The following NRG1 variants were observed in gnomAD, a reference collection of about 807,000 sequenced individuals.
NRG1 encodes the protein pro-neuregulin-1, membrane-bound isoform.
Under a neutral mutation model 63.8 loss-of-function variants are expected in NRG1, and 18 were observed. That is an observed-to-expected ratio of 0.28 (90% CI 0.19 to 0.42). NRG1 has a LOEUF of 0.42. NRG1 is among the 10% of genes least tolerant of loss of function. The probability of loss-of-function intolerance (pLI) is 1.00; values close to 1 mark genes in which losing one functional copy is unlikely to be tolerated. For missense variants in NRG1, 762 were observed against 814.7 expected (o/e 0.94, Z 0.79); for synonymous variants, 302 against 301.3 (o/e 1.00, Z -0.02).
intron 1 of NRG1, among the ~76,000 whole-genome samples, chr8:31,841,611 A>G (rs1335501331): frequency 1.3e-5 from 2 of 152,210 alleles, no homozygotes; most frequent in African/African-American, 2.4e-5. Flanking sequence ...CCTATTATAT[A>G]TGGCAATTTA....
chr8:32,404,222 A>G (rs750639359), intron 1 of NRG1, among the ~76,000 whole-genome samples: 7 of 152,186 alleles, frequency 4.6e-5, no homozygotes, highest in Non-Finnish European at 8.8e-5. Context: ...GCAGTTCCAC[A>G]GCTGCAGTGG....
At chr8:32,660,818 G>T (rs557456972) in intron 5 of NRG1, among the ~76,000 whole-genome samples, 1 of 152,162 alleles carries the variant, frequency 6.6e-6, no homozygotes, top group Admixed American at 6.5e-5. Context: ...GGCTCATAGC[G>T]CTATATAAGC....
chr8:32,559,256 A>AAAAAAAAAAAAAAAAAAAAAAT (rs1393676483), intron 1 of NRG1, among the ~76,000 whole-genome samples: 3 of 150,446 alleles, frequency 2.0e-5, no homozygotes, highest in Non-Finnish European at 4.4e-5. Context: ...AAAAAAAAAA[A>AAAAAAAAAAAAAAAAAAAAAAT]AAAAAAATCA....
chr8:32,395,011 A>G (rs1163796045), intron 1 of NRG1, among the ~76,000 whole-genome samples: 1 of 152,084 alleles, frequency 6.6e-6, no homozygotes, highest in Non-Finnish European at 1.5e-5. Flanking sequence ...AATTACTGTC[A>G]CTCTCAGCAA....
intron 1 of NRG1, among the ~76,000 whole-genome samples, chr8:32,288,418 C>T (rs914214756): frequency 6.6e-6 from 1 of 152,140 alleles, no homozygotes; most frequent in Non-Finnish European, 1.5e-5. Flanking sequence ...TAAAATTTAA[C>T]AAATCTGTAG....
At chr8:32,580,226 C>T (rs1314988720) in intron 1 of NRG1, among the ~76,000 whole-genome samples, 4 of 152,152 alleles carry the variant, frequency 2.6e-5, no homozygotes, top group Non-Finnish European at 5.9e-5. Context: ...CTCAAGGTCT[C>T]AATCATATCT....
At chr8:32,184,620 C>T (rs933939084) in intron 1 of NRG1, among the ~76,000 whole-genome samples, 4 of 151,470 alleles carry the variant, frequency 2.6e-5, no homozygotes, top group African/African-American at 9.7e-5. Flanking sequence ...ATAAGGAAAG[C>T]ATCTGGTGAT....
chr8:32,501,290 A>G (rs935596919), intron 1 of NRG1, among the ~76,000 whole-genome samples: 1 of 152,238 alleles, frequency 6.6e-6, no homozygotes, highest in Non-Finnish European at 1.5e-5. Context: ...ATGAACAGCA[A>G]GGGCATTGAC....
At chr8:32,085,863 T>G (rs569656775) in intron 1 of NRG1, among the ~76,000 whole-genome samples, 2 of 152,322 alleles carry the variant, frequency 1.3e-5, no homozygotes, top group East Asian at 3.9e-4. Context: ...TCAGCTTGGG[T>G]TCTGTTGATG....
chr8:31,754,071 T>C (rs970833940), intron 1 of NRG1, among the ~76,000 whole-genome samples: 6 of 152,146 alleles, frequency 3.9e-5, no homozygotes, highest in African/African-American at 1.4e-4. Flanking sequence ...TATGAAAATA[T>C]GCACCCAGAG....
At chr8:32,693,785 C>T (rs552883493) in intron 5 of NRG1, among the ~76,000 whole-genome samples, 27 of 152,156 alleles carry the variant, frequency 1.8e-4, no homozygotes, top group African/African-American at 5.3e-4. Context: ...CAAAATTTTG[C>T]GAACCATTGT....
At chr8:31,811,804 A>G (rs1822915004) in intron 1 of NRG1, among the ~76,000 whole-genome samples, 2 of 152,172 alleles carry the variant, frequency 1.3e-5, no homozygotes, top group South Asian at 4.1e-4. Context: ...AGGTATGAAT[A>G]TTCTGAGAAT....
chr8:32,636,832 A>G (rs866472979), intron 5 of NRG1, among the ~76,000 whole-genome samples: 2 of 152,288 alleles, frequency 1.3e-5, no homozygotes, highest in East Asian at 3.9e-4. Flanking sequence ...CCCTTGATAT[A>G]ATTTTGAAAT....
intron 1 of NRG1, among the ~76,000 whole-genome samples, chr8:31,933,194 A>G (rs1391767479): frequency 2.0e-5 from 3 of 152,086 alleles, no homozygotes; most frequent in African/African-American, 7.2e-5. Context: ...TAATATTAAA[A>G]CATTTTTATA....
chr8:32,359,496 C>A (rs1806936066), intron 1 of NRG1, among the ~76,000 whole-genome samples: 1 of 152,130 alleles, frequency 6.6e-6, no homozygotes, highest in Non-Finnish European at 1.5e-5. Flanking sequence ...GCTAATGAAA[C>A]CTGCATTGCA....
chr8:32,376,962 T>C (rs1809709129), intron 1 of NRG1, among the ~76,000 whole-genome samples: 1 of 152,234 alleles, frequency 6.6e-6, no homozygotes, highest in South Asian at 2.1e-4. Context: ...AAGAATTTTC[T>C]CACATGGGAC....
chr8:31,995,256 G>C (rs1238615810), intron 1 of NRG1, among the ~76,000 whole-genome samples: 1 of 151,792 alleles, frequency 6.6e-6, no homozygotes, highest in African/African-American at 2.4e-5. Context: ...TCCTTTACTT[G>C]TCTATGTATA....
At chr8:31,966,889 A>G (rs1394184273) in intron 1 of NRG1, among the ~76,000 whole-genome samples, 1 of 152,156 alleles carries the variant, frequency 6.6e-6, no homozygotes, top group Non-Finnish European at 1.5e-5. Flanking sequence ...AGCTAAAGTC[A>G]ACTTCGGTTC....
chr8:32,519,305 A>T (rs1830116225), intron 1 of NRG1, among the ~76,000 whole-genome samples: 1 of 152,192 alleles, frequency 6.6e-6, no homozygotes, highest in African/African-American at 2.4e-5. Flanking sequence ...CTCAATGGAT[A>T]CTTTGCCCGT....
Sources: gnomAD v4.1 joint callset for allele counts (sites outside exome capture counted in the v4.1 genomes callset) on GRCh38, gnomAD v4.1.1 for gene constraint, MANE v1.5 for transcripts, NCBI Gene and HGNC (gene_info 2026-07-23, HGNC 2026-07-21) for gene names.